The following ZNF738 variants were observed in gnomAD, a reference collection of about 807,000 sequenced individuals.
ZNF738 encodes the protein zinc finger protein 738.
ZNF738 carries 10 observed loss-of-function variants against 9.2 expected under a neutral mutation model. The ratio of observed to expected loss-of-function variants is 1.09; its 90% CI spans 0.67 to 1.85. ZNF738 has a LOEUF of 1.85. ZNF738 is among the 40% of genes most tolerant of loss of function. ZNF738 has a pLI of 0.00. For synonymous variants in ZNF738, 113 were observed against 94.5 expected (o/e 1.20, Z -1.14); for missense variants, 346 against 283.6 (o/e 1.22, Z -1.58).
chr19:21,376,511 A>G (rs1973929915), intron 4 of ZNF738: 1 of 152,478 alleles, frequency 6.6e-6, no homozygotes, highest in Admixed American at 6.6e-5. Flanking sequence ...TTTCCTCAAG[A>G]TTGCTTTGGC....
chr19:21,376,485 T>C (rs1441539757), intron 4 of ZNF738: 1 of 152,650 alleles, frequency 6.6e-6, no homozygotes, highest in East Asian at 1.9e-4. Flanking sequence ...ATATAATGTC[T>C]CTCTGCTTTG....
intron 2 of ZNF738, chr19:21,372,645 A>C (rs1973871291): frequency 6.6e-6 from 1 of 152,226 alleles, no homozygotes; most frequent in Non-Finnish European, 1.5e-5. Context: ...AAACAAGTAA[A>C]CATAAACACA....
chr19:21,378,332 G>A (rs1189866691), intron 4 of ZNF738: 21 of 222,932 alleles, frequency 9.4e-5, no homozygotes. Context: ...ATATGATTTT[G>A]TGTTGCTTTG....
At chr19:21,363,542 A>G in intron 2 of ZNF738, among the ~76,000 whole-genome samples, 1 of 152,146 alleles carries the variant, frequency 6.6e-6, no homozygotes, top group East Asian at 1.9e-4. Context: ...TAGTTGTTTT[A>G]AGGCAGTTTC....
At chr19:21,378,061 AC>A (rs1191286856) in intron 4 of ZNF738, 1 of 397,238 alleles carries the variant, frequency 2.5e-6, no homozygotes, top group African/African-American at 2.1e-5. Context: ...TTTAAGAGAT[AC>A]AATGTATTTC....
intron 2 of ZNF738, among the ~76,000 whole-genome samples, chr19:21,373,041 G>A (rs1351973831): frequency 3.9e-5 from 6 of 152,234 alleles, no homozygotes; most frequent in Middle Eastern, 3.4e-3. Context: ...TGCTAATAAT[G>A]AGCCCAAGGG....
chr19:21,364,424 A>G (rs538950983), intron 2 of ZNF738, among the ~76,000 whole-genome samples: 2 of 152,116 alleles, frequency 1.3e-5, no homozygotes, highest in Non-Finnish European at 1.5e-5. Flanking sequence ...ATATAGAATG[A>G]AATTGTATAA....
At position 21,374,831 on chromosome 19, in the gene ZNF738, A is replaced by AT. The variant is rs540547748; in HGVS notation, c.97-407_97-406insT. ...AGACTTTATTTCACATCTTCTGAAAAAAAAAAATCTGCATAAGATCTCCAG... is the reference window on the plus strand; with the variant it reads ...AGACTTTATTTCACATCTTCTGAAAATAAAAAAATCTGCATAAGATCTCCAG... On this transcript the variant is annotated intron_variant, in intron 2 of 4. Transcript: ENST00000683779. 4.8e-3 allele frequency among the ~76,000 whole-genome samples: 726 copies of AT among 152,328 alleles called. 7 individuals carry two copies. The highest frequency in any genetic ancestry group is 0.017 in the African/African-American group (708 of 41,572).
intron 4 of ZNF738, chr19:21,381,896 G>A: frequency 1.1e-5 from 3 of 265,946 alleles, no homozygotes; most frequent in Non-Finnish European, 1.5e-5. Flanking sequence ...AGCCTGGACA[G>A]TTGCCTGGAC....
Position 21,383,714 on chromosome 19 carries a change from CATAAG to C in ZNF738, c.*45_*49del, listed in dbSNP as rs776620284. 3.9e-4 allele frequency: 402 copies of C among 1,035,804 alleles called. 3 individuals carry two copies. Among genetic ancestry groups the C allele is most frequent in the South Asian group, 2.0e-3 (161 of 79,882 alleles). The allele number at this position is 1,035,804 out of a possible 1,614,324, so 64.2% of individuals were successfully genotyped here. ...TAATGTATTCGCAACCCTTACTAGACATAAGATAATTCATACTGAAGAGAAACCCT... is the reference window on the plus strand; with the variant it reads ...TAATGTATTCGCAACCCTTACTAGACATAATTCATACTGAAGAGAAACCCT... On this transcript the variant is annotated 3_prime_UTR_variant, in exon 5 of 5. Coordinates refer to ENST00000683779, the MANE Select transcript of ZNF738 (RefSeq NM_001355237.2).
chr19:21,382,066 C>CT (rs139193236), intron 4 of ZNF738: 21,196 of 113,750 alleles, frequency 0.19, 2,658 homozygotes, highest in African/African-American at 0.23. Flanking sequence ...TTCTTTCTTT[C>CT]TTTTTTTTTT....
chr19:21,366,171 C>T (rs1973775229), intron 2 of ZNF738, among the ~76,000 whole-genome samples: 1 of 152,142 alleles, frequency 6.6e-6, no homozygotes, highest in African/African-American at 2.4e-5. Flanking sequence ...GCAAACAGTG[C>T]AAGACAGATT....
At chr19:21,381,459 C>G (rs1042526735) in intron 4 of ZNF738, 2 of 1,295,730 alleles carry the variant, frequency 1.5e-6, no homozygotes, top group Admixed American at 1.7e-5. Context: ...GTTTGGACAC[C>G]AACTTTTACA....
rs1255708893 is a variant in ZNF738, at chr19:21,385,148, C to T, written c.*1474C>T. ...GGCAGATCACCTGGTCAATGGTCCT[C>T]TACCCTTACTAAAGATAAAAGAGTT... On this transcript the variant is annotated 3_prime_UTR_variant, in exon 5 of 5. Transcript: ENST00000683779. Among the ~76,000 whole-genome samples the T allele has an allele frequency of 6.6e-6, 1 of 150,650 alleles. No homozygotes were observed. Among genetic ancestry groups the T allele is most frequent in the East Asian group, 2.0e-4 (1 of 5,128 alleles).
intron 2 of ZNF738, among the ~76,000 whole-genome samples, chr19:21,371,772 A>G (rs3051999): frequency 2.6e-5 from 2 of 77,042 alleles, no homozygotes; most frequent in African/African-American, 5.0e-5. Context: ...CTGAAGAGTT[A>G]TTATTATTTG....
chr19:21,366,360 CTG>C (rs1973779820), intron 2 of ZNF738, among the ~76,000 whole-genome samples: 2 of 152,166 alleles, frequency 1.3e-5, no homozygotes, highest in South Asian at 2.1e-4. Flanking sequence ...TTAACCCACG[CTG>C]TCTTAGGAGA....
intron 2 of ZNF738, among the ~76,000 whole-genome samples, chr19:21,374,002 C>T (rs1973893135): frequency 6.6e-6 from 1 of 152,118 alleles, no homozygotes; most frequent in African/African-American, 2.4e-5. Context: ...TAAATCATGG[C>T]TTCTTATACG....
At chr19:21,363,705 A>G (rs903311153) in intron 2 of ZNF738, among the ~76,000 whole-genome samples, 1 of 152,022 alleles carries the variant, frequency 6.6e-6, no homozygotes, top group Non-Finnish European at 1.5e-5. Context: ...CCTGACCAAT[A>G]TAGTGAAACC....
intron 1 of ZNF738, among the ~76,000 whole-genome samples, chr19:21,359,762 A>G (rs895851011): frequency 6.6e-6 from 1 of 151,960 alleles, no homozygotes; most frequent in Non-Finnish European, 1.5e-5. Flanking sequence ...CTGTAGTCCC[A>G]GCTACTCAGG....
Sources: allele counts gnomAD v4.1 joint callset (sites outside exome capture counted in the v4.1 genomes callset), GRCh38; gene constraint gnomAD v4.1.1; transcripts MANE v1.5; gene names NCBI Gene and HGNC (gene_info 2026-07-23, HGNC 2026-07-21).